Variants in GRIP1 observed in about 807,000 individuals in gnomAD.
GRIP1 encodes glutamate receptor interacting protein 1, also known as glutamate receptor-interacting protein 1.
In GRIP1, 45 loss-of-function variants were observed where a neutral mutation model predicts 129.9. The observed-to-expected ratio is 0.35, with a 90% confidence interval of 0.27 to 0.44. GRIP1 has a LOEUF of 0.44. Ranked by LOEUF, GRIP1 falls within the 20% of genes least tolerant of loss-of-function variation. The probability of loss-of-function intolerance (pLI) is 1.00; values close to 1 mark genes in which losing one functional copy is unlikely to be tolerated. For missense variants in GRIP1, 1,196 were observed against 1,396.8 expected, an observed-to-expected ratio of 0.86 and a Z score of 2.29; for synonymous variants, 530 against 520.8, an observed-to-expected ratio of 1.02 and a Z score of -0.24.
chr12:66,493,450 G>C (rs1179041457), intron 7 of GRIP1, among the ~76,000 whole-genome samples: 1 of 152,188 alleles, frequency 6.6e-6, no homozygotes, highest in Non-Finnish European at 1.5e-5. Flanking sequence ...TGTGCAGTGA[G>C]ATAGGTCTTC....
At chr12:66,665,671 T>G (rs893707496) in intron 1 of GRIP1, among the ~76,000 whole-genome samples, 2 of 152,210 alleles carry the variant, frequency 1.3e-5, no homozygotes, top group African/African-American at 2.4e-5. Context: ...TGCATTCTAC[T>G]GTTAAGGGAT....
chr12:66,446,783 A>G (rs1299647316), intron 11 of GRIP1, among the ~76,000 whole-genome samples: 1 of 152,104 alleles, frequency 6.6e-6, no homozygotes, highest in African/African-American at 2.4e-5. Flanking sequence ...GTCAGTTCCT[A>G]GCAATACCAC....
At chr12:66,915,484 G>A (rs899520676) in intron 1 of GRIP1, among the ~76,000 whole-genome samples, 2 of 152,170 alleles carry the variant, frequency 1.3e-5, no homozygotes, top group Non-Finnish European at 2.9e-5. Context: ...AAAGGCGAGT[G>A]AGACGGAAAC....
At chr12:66,435,321 G>A (rs2058270292) in intron 13 of GRIP1, among the ~76,000 whole-genome samples, 1 of 150,992 alleles carries the variant, frequency 6.6e-6, no homozygotes, top group African/African-American at 2.4e-5. Flanking sequence ...TCTTGCCTCA[G>A]TCTCCCAAGT....
chr12:66,977,059 G>T (rs756378647), intron 1 of GRIP1, among the ~76,000 whole-genome samples: 1 of 152,024 alleles, frequency 6.6e-6, no homozygotes, highest in Non-Finnish European at 1.5e-5. Flanking sequence ...ATACAATTTC[G>T]GAAACAGAAG....
intron 1 of GRIP1, among the ~76,000 whole-genome samples, chr12:66,667,684 C>A (rs565912000): frequency 6.6e-6 from 1 of 152,090 alleles, no homozygotes. Flanking sequence ...CAACTCCACA[C>A]CAAAATGGGG....
At chr12:66,626,162 T>G (rs10748055) in intron 1 of GRIP1, among the ~76,000 whole-genome samples, 1 of 151,822 alleles carries the variant, frequency 6.6e-6, no homozygotes, top group Non-Finnish European at 1.5e-5. Flanking sequence ...CCCATCTCTA[T>G]CAAAAATACA....
chr12:66,578,504 C>T (rs1033115051), intron 2 of GRIP1, among the ~76,000 whole-genome samples: 1 of 152,142 alleles, frequency 6.6e-6, no homozygotes, highest in Admixed American at 6.5e-5. Flanking sequence ...CTTTCCTAGT[C>T]AAAGAAACGG....
At chr12:66,645,323 G>A (rs2032274600) in intron 1 of GRIP1, among the ~76,000 whole-genome samples, 1 of 152,110 alleles carries the variant, frequency 6.6e-6, no homozygotes, top group African/African-American at 2.4e-5. Flanking sequence ...ACAGACCTTA[G>A]GTCGCCTGAC....
At chr12:66,612,648 A>G (rs191898518) in intron 1 of GRIP1, among the ~76,000 whole-genome samples, 4 of 141,886 alleles carry the variant, frequency 2.8e-5, no homozygotes, top group Admixed American at 1.4e-4. Context: ...CAAACAAACC[A>G]CAAAACAAAA....
intron 1 of GRIP1, among the ~76,000 whole-genome samples, chr12:66,899,236 A>G (rs1450022899): frequency 5.3e-5 from 8 of 152,178 alleles, no homozygotes; most frequent in Non-Finnish European, 5.9e-5. Flanking sequence ...CCCAGGTCCA[A>G]TAAAGGCTTA....
intron 1 of GRIP1, among the ~76,000 whole-genome samples, chr12:66,974,298 A>G (rs987614634): frequency 6.6e-6 from 1 of 152,038 alleles, no homozygotes; most frequent in African/African-American, 2.4e-5. Flanking sequence ...ATACACATAC[A>G]TATTTCTTAC....
intron 1 of GRIP1, among the ~76,000 whole-genome samples, chr12:66,758,382 C>T (rs1052934423): frequency 6.6e-6 from 1 of 151,182 alleles, no homozygotes; most frequent in South Asian, 2.1e-4. Context: ...TTCAATTACC[C>T]CCACCCCCGG....
intron 1 of GRIP1, among the ~76,000 whole-genome samples, chr12:66,863,672 T>C (rs2040151403): frequency 6.6e-6 from 1 of 151,874 alleles, no homozygotes; most frequent in Non-Finnish European, 1.5e-5. Flanking sequence ...AGGATAAAAA[T>C]GATAGGAAAG....
At chr12:66,745,704 G>C (rs1303367539) in intron 1 of GRIP1, among the ~76,000 whole-genome samples, 1 of 152,116 alleles carries the variant, frequency 6.6e-6, no homozygotes. Flanking sequence ...GAGAGGGATA[G>C]GGACATTTCA....
At chr12:66,461,032 T>C (rs1372576207) in intron 9 of GRIP1, among the ~76,000 whole-genome samples, 1 of 152,212 alleles carries the variant, frequency 6.6e-6, no homozygotes, top group Non-Finnish European at 1.5e-5. Flanking sequence ...TAGAATTACT[T>C]AAACTTCCTA....
intron 1 of GRIP1, among the ~76,000 whole-genome samples, chr12:66,621,629 G>A (rs1025989322): frequency 6.6e-6 from 1 of 152,094 alleles, no homozygotes; most frequent in African/African-American, 2.4e-5. Flanking sequence ...TGGAATTGTG[G>A]ATCATATGTT....
rs150144488 is a variant in GRIP1 at position 66,521,022 on chromosome 12, G to C, written c.503-3046C>G. On this transcript the variant is annotated intron_variant, in intron 5 of 24. Transcript: ENST00000359742. ...AAACAGAAATTTAGGAATGGTTAGG[G>C]TAAATGATCTTGGGCTCTGTTGCTC... Among the ~76,000 whole-genome samples, 688 of 152,318 alleles carry C rather than the reference G, an allele frequency of 4.5e-3. 2 individuals are homozygous for C. Among genetic ancestry groups the C allele is most frequent in the Non-Finnish European group, 6.2e-3 (422 of 68,030 alleles).
chr12:66,454,319 T>C (rs1365035160), intron 11 of GRIP1, among the ~76,000 whole-genome samples: 1 of 152,246 alleles, frequency 6.6e-6, no homozygotes, highest in African/African-American at 2.4e-5. Flanking sequence ...TTTGGTTTTA[T>C]TTAAGTAACT....
Sources: gnomAD v4.1 joint callset for allele counts (sites outside exome capture counted in the v4.1 genomes callset) on GRCh38, gnomAD v4.1.1 for gene constraint, MANE v1.5 for transcripts, NCBI Gene and HGNC (gene_info 2026-07-23, HGNC 2026-07-21) for gene names.